The following CEP57L1 variants were observed in gnomAD, a reference collection of about 807,000 sequenced individuals.
CEP57L1 encodes centrosomal protein 57 like 1, also known as centrosomal protein CEP57L1.
Under a neutral mutation model 61.0 loss-of-function variants are expected in CEP57L1, and 37 were observed. The observed-to-expected ratio is 0.61, with a 90% CI of 0.47 to 0.80. The LOEUF (loss-of-function observed/expected upper bound fraction) is 0.80. Ranked by LOEUF, CEP57L1 falls within the 30% of genes least tolerant of loss-of-function variation. CEP57L1 has a pLI of 0.00. For synonymous variants in CEP57L1, 137 were observed against 162.3 expected, an observed-to-expected ratio of 0.84 and a Z score of 1.19; for missense variants, 422 against 524.7, an observed-to-expected ratio of 0.80 and a Z score of 1.91.
Position 109,168,770 on chromosome 6 carries a change from T to G in CEP57L1, c.*5800T>G, listed in dbSNP as rs1329558805. On this transcript the variant is annotated 3_prime_UTR_variant, in exon 11 of 11. Transcript: ENST00000517392. ...ACCACCATGCCCTGCTAATTTTTTG[T>G]ATTTTAGTAGAGATGGGGTTTCACT... Among the ~76,000 whole-genome samples the G allele has an allele frequency of 6.6e-6, 1 of 151,482 alleles. No individual in the cohort carries two copies. Among genetic ancestry groups the G allele is most frequent in the Non-Finnish European group, 1.5e-5 (1 of 67,840 alleles).
chr6:109,123,384 G>T (rs886326180), intron 1 of CEP57L1, among the ~76,000 whole-genome samples: 1 of 152,106 alleles, frequency 6.6e-6, no homozygotes, highest in Non-Finnish European at 1.5e-5. Context: ...CCCCTTAATA[G>T]CTGCATGACC....
chr6:109,098,138 T>TTC (rs544211200), intron 1 of CEP57L1, among the ~76,000 whole-genome samples: 51 of 150,556 alleles, frequency 3.4e-4, no homozygotes, highest in African/African-American at 1.0e-3. Context: ...CTCTCTCTCT[T>TTC]TCTCTCTCTC....
intron 1 of CEP57L1, among the ~76,000 whole-genome samples, chr6:109,105,488 A>G (rs1266223701): frequency 6.6e-6 from 1 of 152,178 alleles, no homozygotes; most frequent in Non-Finnish European, 1.5e-5. Context: ...AAATTCCCAC[A>G]TATGTAAAAG....
chr6:109,123,449 CAT>C (rs1425175890), intron 1 of CEP57L1, among the ~76,000 whole-genome samples: 1 of 152,154 alleles, frequency 6.6e-6, no homozygotes, highest in East Asian at 1.9e-4. Context: ...GTTAATACCT[CAT>C]AGTGTTGCCT....
intron 1 of CEP57L1, among the ~76,000 whole-genome samples, chr6:109,134,163 A>G (rs149424314): frequency 0.16 from 24,892 of 152,214 alleles, 2,544 homozygotes; most frequent in Non-Finnish European, 0.23. Context: ...GAAATCCTCA[A>G]TATAATACTG....
chr6:109,110,275 A>G (rs574595482), intron 1 of CEP57L1, among the ~76,000 whole-genome samples: 1 of 152,246 alleles, frequency 6.6e-6, no homozygotes, highest in South Asian at 2.1e-4. Flanking sequence ...TTTGATTTGC[A>G]TTTCTCTAAT....
At chr6:109,099,182 T>G (rs565808086) in intron 1 of CEP57L1, among the ~76,000 whole-genome samples, 1 of 152,294 alleles carries the variant, frequency 6.6e-6, no homozygotes, top group South Asian at 2.1e-4. Flanking sequence ...GAGAAAGATC[T>G]GGCAATAGAT....
At chr6:109,101,647 G>T (rs1782429965) in intron 1 of CEP57L1, among the ~76,000 whole-genome samples, 1 of 146,666 alleles carries the variant, frequency 6.8e-6, no homozygotes. Context: ...TTGAGACGGA[G>T]TCTCACTCTT....
rs1326956086 is a variant in CEP57L1, at chr6:109,162,901, C to T, written c.1314C>T (p.Ser438=). ...CTAACCTTTTTCAGAAAAACAGCAG[C>T]TTTCATCCAATACGAGTTCATAATC... ...TDTNLFQKNS[S]FHPIRVHNLQ... Residue 438 remains serine, a synonymous_variant, in exon 11 of 11, where the codon AGC becomes AGT. Coordinates refer to ENST00000517392, the MANE Select transcript of CEP57L1 (RefSeq NM_001271852.3). 6.2e-7 allele frequency: 1 copy of T among 1,613,074 alleles called. No homozygotes were observed. The highest frequency in any genetic ancestry group is 1.3e-5 in the African/African-American group (1 of 74,866).
intron 9 of CEP57L1, among the ~76,000 whole-genome samples, chr6:109,159,981 A>G (rs961868833): frequency 3.3e-5 from 5 of 152,104 alleles, no homozygotes; most frequent in Non-Finnish European, 7.4e-5. Flanking sequence ...CTTGTTTTAG[A>G]CTCTGGCTGG....
chr6:109,150,759 A>G (rs1772528514), intron 4 of CEP57L1, among the ~76,000 whole-genome samples: 1 of 152,152 alleles, frequency 6.6e-6, no homozygotes, highest in Admixed American at 6.5e-5. Context: ...TCTCAACTCA[A>G]AGTACTGAAC....
intron 1 of CEP57L1, among the ~76,000 whole-genome samples, chr6:109,117,190 C>T (rs1400361670): frequency 3.3e-5 from 5 of 152,106 alleles, no homozygotes; most frequent in East Asian, 1.9e-4. Context: ...ATTCTAGTCT[C>T]AGCTATTATA....
chr6:109,098,086 G>C (rs185481070), intron 1 of CEP57L1, among the ~76,000 whole-genome samples: 2 of 152,298 alleles, frequency 1.3e-5, no homozygotes, highest in East Asian at 3.9e-4. Context: ...GTTTTGCGCA[G>C]ATGAGGGCAT....
chr6:109,102,561 G>A (rs1171616522), intron 1 of CEP57L1, among the ~76,000 whole-genome samples: 1 of 152,050 alleles, frequency 6.6e-6, no homozygotes, highest in East Asian at 1.9e-4. Context: ...AAAAGTCATT[G>A]CCATACCCAG....
At chr6:109,149,000 T>C (rs1309751856) in intron 3 of CEP57L1, among the ~76,000 whole-genome samples, 2 of 152,216 alleles carry the variant, frequency 1.3e-5, no homozygotes, top group Non-Finnish European at 2.9e-5. Flanking sequence ...TTTGAGTTCA[T>C]TGTAGATTCT....
intron 1 of CEP57L1, among the ~76,000 whole-genome samples, chr6:109,110,035 A>G (rs546700228): frequency 1.3e-5 from 2 of 152,294 alleles, no homozygotes; most frequent in East Asian, 3.9e-4. Flanking sequence ...AATGATTTAT[A>G]ATCCTTTGGG....
At chr6:109,121,956 A>G (rs1773026553) in intron 1 of CEP57L1, among the ~76,000 whole-genome samples, 1 of 152,246 alleles carries the variant, frequency 6.6e-6, no homozygotes, top group Non-Finnish European at 1.5e-5. Context: ...TTCAGAATAT[A>G]GCTTGGTATG....
At chr6:109,131,278 A>G (rs17070188) in intron 1 of CEP57L1, among the ~76,000 whole-genome samples, 1,628 of 152,246 alleles carry the variant, frequency 0.011, 40 homozygotes, top group African/African-American at 0.037. Flanking sequence ...TTTAATGTTG[A>G]ATATATAGTG....
intron 1 of CEP57L1, among the ~76,000 whole-genome samples, chr6:109,123,243 G>A (rs1408869204): frequency 6.6e-6 from 1 of 151,896 alleles, no homozygotes; most frequent in Non-Finnish European, 1.5e-5. Context: ...TCTACTGACT[G>A]AGCTAGCTGG....
Sources: allele counts gnomAD v4.1 joint callset (sites outside exome capture counted in the v4.1 genomes callset), GRCh38; gene constraint gnomAD v4.1.1; transcripts MANE v1.5; gene names NCBI Gene and HGNC (gene_info 2026-07-23, HGNC 2026-07-21).